Variants in SPOCK1 observed in about 807,000 individuals in gnomAD.
SPOCK1 encodes the protein SPARC (osteonectin), cwcv and kazal like domains proteoglycan 1.
SPOCK1 carries 23 observed loss-of-function variants against 55.3 expected under a neutral mutation model. The observed-to-expected ratio is 0.42, with a 90% confidence interval of 0.30 to 0.59. The LOEUF (loss-of-function observed/expected upper bound fraction) is 0.59. SPOCK1 is among the 20% of genes least tolerant of loss of function. SPOCK1 has a pLI of 0.22. For missense variants in SPOCK1, 499 were observed against 552.5 expected (o/e 0.90, Z 0.97); for synonymous variants, 226 against 221.0 (o/e 1.02, Z -0.20).
chr5:137,141,055 G>A (rs576832887), intron 3 of SPOCK1, among the ~76,000 whole-genome samples: 57 of 152,194 alleles, frequency 3.7e-4, no homozygotes, highest in Middle Eastern at 3.4e-3. Flanking sequence ...CCACTGCACC[G>A]GGCCTTAATT....
chr5:137,463,303 T>A (rs563286172), intron 2 of SPOCK1, among the ~76,000 whole-genome samples: 2 of 152,192 alleles, frequency 1.3e-5, no homozygotes, highest in African/African-American at 2.4e-5. Flanking sequence ...GTGGTACATA[T>A]ACACAATGGA....
At chr5:137,005,518 A>G (rs757146361) in intron 6 of SPOCK1, among the ~76,000 whole-genome samples, 6 of 152,134 alleles carry the variant, frequency 3.9e-5, no homozygotes, top group Non-Finnish European at 5.9e-5. Context: ...TCACCTTTGT[A>G]AAGAAAGACA....
intron 2 of SPOCK1, among the ~76,000 whole-genome samples, chr5:137,482,814 T>C (rs1442413043): frequency 6.6e-6 from 1 of 152,224 alleles, no homozygotes; most frequent in Admixed American, 6.5e-5. Context: ...CTGTCAGTTC[T>C]CTTGGGGAAA....
At chr5:137,206,713 C>A (rs1755526476) in intron 3 of SPOCK1, among the ~76,000 whole-genome samples, 1 of 152,178 alleles carries the variant, frequency 6.6e-6, no homozygotes, top group South Asian at 2.1e-4. Context: ...ATATTTAATT[C>A]AAACAGGAGA....
intron 2 of SPOCK1, among the ~76,000 whole-genome samples, chr5:137,312,624 A>T (rs921440263): frequency 6.6e-6 from 1 of 152,188 alleles, no homozygotes; most frequent in African/African-American, 2.4e-5. Flanking sequence ...GCTGTCAGGA[A>T]TCTGGGGTGG....
At chr5:137,071,917 T>A (rs563563134) in intron 5 of SPOCK1, among the ~76,000 whole-genome samples, 1 of 152,362 alleles carries the variant, frequency 6.6e-6, no homozygotes, top group African/African-American at 2.4e-5. Context: ...ATGTAAAGAC[T>A]ATAAATCTCT....
intron 5 of SPOCK1, among the ~76,000 whole-genome samples, chr5:137,090,528 C>G (rs114200915): frequency 0.016 from 2,430 of 152,318 alleles, 42 homozygotes; most frequent in Non-Finnish European, 0.023. Context: ...CTAGGATTGT[C>G]AACTCCTTGA....
chr5:137,418,995 A>G (rs1448546742), intron 2 of SPOCK1, among the ~76,000 whole-genome samples: 1 of 152,152 alleles, frequency 6.6e-6, no homozygotes, highest in African/African-American at 2.4e-5. Context: ...TAAGGAAGGG[A>G]TCCAGTTTCA....
At chr5:137,067,895 A>C in intron 5 of SPOCK1, 66 bp from the exon 6 acceptor site, 1 of 1,317,020 alleles carries the variant, frequency 7.6e-7, no homozygotes, top group Non-Finnish European at 1.1e-6. Flanking sequence ...CCGCCTCCTA[A>C]GAAACAGCAG....
intron 2 of SPOCK1, among the ~76,000 whole-genome samples, chr5:137,319,824 A>C (rs1757948475): frequency 6.6e-6 from 1 of 151,836 alleles, no homozygotes; most frequent in Non-Finnish European, 1.5e-5. Context: ...GGGCGCCTGT[A>C]GTCCCAGCTA....
chr5:137,246,275 G>A (rs1423926472), intron 3 of SPOCK1, among the ~76,000 whole-genome samples: 1 of 152,096 alleles, frequency 6.6e-6, no homozygotes, highest in Non-Finnish European at 1.5e-5. Flanking sequence ...GTAAAGCTGG[G>A]GTAATAGTAA....
chr5:137,198,956 A>G (rs1281674384), intron 3 of SPOCK1, among the ~76,000 whole-genome samples: 1 of 152,218 alleles, frequency 6.6e-6, no homozygotes, highest in Non-Finnish European at 1.5e-5. Context: ...AGTATCTGCA[A>G]AATCTCCCAG....
At position 137,274,390 on chromosome 5, in the gene SPOCK1, A is replaced by T. The variant is rs80026995; in HGVS notation, c.187-7335T>A. On this transcript the variant is annotated intron_variant, in intron 2 of 10. Coordinates refer to ENST00000394945, the MANE Select transcript of SPOCK1 (RefSeq NM_004598.4). ...ATTCTGGCTCTAGCACTCACCAGCT[A>T]TGTGGCCTTGCACAATCTACTCAGC... Among the ~76,000 whole-genome samples the T allele has an allele frequency of 5.3e-3, 800 of 152,332 alleles. 9 individuals are homozygous for T. The highest frequency in any genetic ancestry group is 0.018 in the African/African-American group (744 of 41,572).
chr5:137,222,246 T>A (rs2127088322), intron 3 of SPOCK1, among the ~76,000 whole-genome samples: 1 of 152,212 alleles, frequency 6.6e-6, no homozygotes, highest in African/African-American at 2.4e-5. Context: ...TCTATTTGAT[T>A]CCCGCCCCCA....
intron 3 of SPOCK1, among the ~76,000 whole-genome samples, chr5:137,237,434 C>T (rs777325047): frequency 6.6e-6 from 1 of 152,210 alleles, no homozygotes; most frequent in Non-Finnish European, 1.5e-5. Flanking sequence ...ACTGCTTTCA[C>T]TCCTAAAATG....
chr5:137,063,560 A>C, intron 6 of SPOCK1, among the ~76,000 whole-genome samples: 1 of 152,218 alleles, frequency 6.6e-6, no homozygotes, highest in East Asian at 1.9e-4. Flanking sequence ...GACCTGCCTC[A>C]TACATCCTCC....
intron 6 of SPOCK1, among the ~76,000 whole-genome samples, chr5:136,999,963 C>T (rs945470137): frequency 2.6e-5 from 4 of 152,178 alleles, no homozygotes; most frequent in Non-Finnish European, 4.4e-5. Flanking sequence ...ATAAAAATAA[C>T]CCTACCCTAC....
At chr5:137,305,892 T>C (rs146072921) in intron 2 of SPOCK1, among the ~76,000 whole-genome samples, 1 of 152,342 alleles carries the variant, frequency 6.6e-6, no homozygotes, top group East Asian at 1.9e-4. Context: ...TATGTTTGCA[T>C]ACGATGTGCA....
At chr5:137,356,838 T>TATATATAGAGAGAG (rs1554077335) in intron 2 of SPOCK1, among the ~76,000 whole-genome samples, 6 of 5,454 alleles carry the variant, frequency 1.1e-3, no homozygotes, top group Non-Finnish European at 1.5e-3. Context: ...TATATATATA[T>TATATATAGAGAGAG]AGAGAGAGAG....
Sources: allele counts gnomAD v4.1 joint callset (sites outside exome capture counted in the v4.1 genomes callset), GRCh38; gene constraint gnomAD v4.1.1; transcripts MANE v1.5; gene names NCBI Gene and HGNC (gene_info 2026-07-23, HGNC 2026-07-21).